KCNH8: variants seen among roughly 807,000 people sequenced by gnomAD.
The protein encoded by KCNH8 is potassium voltage-gated channel subfamily H member 8.
A neutral mutation model predicts 103.6 loss-of-function variants in KCNH8; 70 were observed. The ratio of observed to expected loss-of-function variants is 0.68; its 90% CI spans 0.56 to 0.82. KCNH8 has a LOEUF of 0.82. Ranked by LOEUF, KCNH8 falls within the 40% of genes least tolerant of loss-of-function variation. The pLI is 0.00. For synonymous variants in KCNH8, 498 were observed against 489.4 expected, an observed-to-expected ratio of 1.02 and a Z score of -0.23; for missense variants, 1,217 against 1,329.9, an observed-to-expected ratio of 0.92 and a Z score of 1.32.
At position 19,192,043 on chromosome 3, in the gene KCNH8, G is replaced by T. The variant is rs189239079; in HGVS notation, c.76+43248G>T. Among the ~76,000 whole-genome samples the T allele has an allele frequency of 2.9e-3, 437 of 151,512 alleles. 4 individuals are homozygous for T. The highest frequency in any genetic ancestry group is 9.9e-3 in the African/African-American group (411 of 41,426). On this transcript the variant is annotated intron_variant, in intron 1 of 15. Coordinates refer to ENST00000328405, the MANE Select transcript of KCNH8 (RefSeq NM_144633.3). The stretch of plus-strand genomic sequence containing the variant: ...TTGATGGTTTTCTCCACTGGTCTCA[G>T]GTTGTACAGCCTTAGTAGCTTCAGT...
intron 3 of KCNH8, among the ~76,000 whole-genome samples, chr3:19,305,199 C>A (rs1193061706): frequency 6.6e-6 from 1 of 152,076 alleles, no homozygotes; most frequent in African/African-American, 2.4e-5. Context: ...AGAGCAATGT[C>A]TTAAAAATTC....
intron 5 of KCNH8, among the ~76,000 whole-genome samples, chr3:19,381,927 C>A (rs2066293861): frequency 6.6e-6 from 1 of 151,974 alleles, no homozygotes; most frequent in African/African-American, 2.4e-5. Flanking sequence ...CAATGAGAAC[C>A]AGGACAGTGG....
chr3:19,446,602 T>G (rs1356124022), intron 8 of KCNH8, among the ~76,000 whole-genome samples: 1 of 151,496 alleles, frequency 6.6e-6, no homozygotes, highest in Admixed American at 6.6e-5. Flanking sequence ...AATGAGGAGG[T>G]GGGAAAGAGA....
chr3:19,468,871 T>C (rs1279314315), intron 11 of KCNH8, among the ~76,000 whole-genome samples: 3 of 152,250 alleles, frequency 2.0e-5, no homozygotes, highest in Admixed American at 6.5e-5. Context: ...CAAACATCTC[T>C]TGATGCCTAT....
At chr3:19,358,176 CCT>C (rs2065904154) in intron 5 of KCNH8, among the ~76,000 whole-genome samples, 1 of 40,234 alleles carries the variant, frequency 2.5e-5, no homozygotes, top group Non-Finnish European at 4.4e-5. Flanking sequence ...TCCTTTTCTT[CCT>C]TCCTTCCTTC....
At chr3:19,325,221 A>T (rs2065405403) in intron 3 of KCNH8, among the ~76,000 whole-genome samples, 1 of 152,214 alleles carries the variant, frequency 6.6e-6, no homozygotes, top group Non-Finnish European at 1.5e-5. Flanking sequence ...AAAGACTTAA[A>T]TGTAAAACTC....
chr3:19,422,433 G>A (rs988503340), intron 7 of KCNH8, among the ~76,000 whole-genome samples: 2 of 152,078 alleles, frequency 1.3e-5, no homozygotes, highest in Non-Finnish European at 2.9e-5. Context: ...AATACACCAG[G>A]CACTGTGCCA....
intron 15 of KCNH8, among the ~76,000 whole-genome samples, chr3:19,531,228 A>G (rs1000415393): frequency 2.0e-5 from 3 of 152,182 alleles, no homozygotes; most frequent in Non-Finnish European, 4.4e-5. Context: ...CTCTTTAACC[A>G]TCTCATTTAG....
chr3:19,257,349 A>G (rs1270496886), intron 2 of KCNH8, among the ~76,000 whole-genome samples: 1 of 152,070 alleles, frequency 6.6e-6, no homozygotes, highest in Non-Finnish European at 1.5e-5. Flanking sequence ...CTTCAGAGCT[A>G]TAAAACCACA....
At chr3:19,438,812 A>T (rs1259027939) in intron 8 of KCNH8, among the ~76,000 whole-genome samples, 1 of 152,124 alleles carries the variant, frequency 6.6e-6, no homozygotes, top group East Asian at 1.9e-4. Context: ...TCTGGTCCAC[A>T]TTGTGGCCTT....
chr3:19,196,102 C>A (rs2063599208), intron 1 of KCNH8, among the ~76,000 whole-genome samples: 1 of 151,946 alleles, frequency 6.6e-6, no homozygotes, highest in African/African-American at 2.4e-5. Flanking sequence ...CCAAGTCTGG[C>A]TTATTGGGCC....
At chr3:19,290,698 C>G (rs760030708) in intron 3 of KCNH8, among the ~76,000 whole-genome samples, 3 of 152,154 alleles carry the variant, frequency 2.0e-5, no homozygotes, top group Non-Finnish European at 4.4e-5. Context: ...GGATATTGGT[C>G]TAAAATTCTC....
intron 15 of KCNH8, among the ~76,000 whole-genome samples, chr3:19,522,611 C>T (rs748460857): frequency 7.2e-5 from 11 of 151,752 alleles, no homozygotes; most frequent in Non-Finnish European, 1.6e-4. Flanking sequence ...GAATAATCTA[C>T]CAAACATCTG....
chr3:19,445,855 T>G (rs1488876354), intron 8 of KCNH8, among the ~76,000 whole-genome samples: 1 of 151,986 alleles, frequency 6.6e-6, no homozygotes, highest in East Asian at 1.9e-4. Context: ...TCCATAAATA[T>G]TTATGGCATA....
intron 5 of KCNH8, among the ~76,000 whole-genome samples, chr3:19,376,704 T>C (rs1040704898): frequency 2.6e-5 from 4 of 152,248 alleles, no homozygotes; most frequent in Non-Finnish European, 5.9e-5. Flanking sequence ...TCAGTAATTT[T>C]GGTGCTATTT....
intron 5 of KCNH8, among the ~76,000 whole-genome samples, chr3:19,376,227 A>G (rs1051702662): frequency 2.0e-5 from 3 of 152,248 alleles, no homozygotes; most frequent in African/African-American, 4.8e-5. Flanking sequence ...TTGATCTCAG[A>G]GTGCTGTGCT....
chr3:19,171,790 G>A (rs537468009), intron 1 of KCNH8, among the ~76,000 whole-genome samples: 16 of 152,280 alleles, frequency 1.1e-4, no homozygotes, highest in Non-Finnish European at 1.9e-4. Context: ...CTGGGTTGAC[G>A]ATATAAAGTG....
At chr3:19,266,167 C>T (rs1358573382) in intron 2 of KCNH8, among the ~76,000 whole-genome samples, 1 of 152,094 alleles carries the variant, frequency 6.6e-6, no homozygotes, top group African/African-American at 2.4e-5. Flanking sequence ...AAAAACTCTT[C>T]ACTCTGGCAT....
In KCNH8 at chr3:19,170,810, A is replaced by ATTTTTT. The variant is rs1163528137; in HGVS notation, c.76+22027_76+22032dup. 2.5e-4 allele frequency among the ~76,000 whole-genome samples: 19 copies of ATTTTTT among 75,330 alleles called. 2 individuals carry two copies. Among genetic ancestry groups the ATTTTTT allele is most frequent in the African/African-American group, 9.3e-4 (18 of 19,362 alleles). 49.4% of individuals were successfully genotyped at this position (75,330 alleles called of 152,430 possible). A position where few individuals can be genotyped will look rare whatever the true frequency, so the allele number is the denominator to read the frequency against. ...CACACATATATATATATATATATAT[A>ATTTTTT]TTTTTTTTTTTTTTTTTGAGACGAA... is the stretch of plus-strand genomic sequence containing the variant. On this transcript the variant is annotated intron_variant, in intron 1 of 15. Transcript: ENST00000328405.
Sources: allele counts gnomAD v4.1 joint callset (sites outside exome capture counted in the v4.1 genomes callset), GRCh38; gene constraint gnomAD v4.1.1; transcripts MANE v1.5; gene names NCBI Gene and HGNC (gene_info 2026-07-23, HGNC 2026-07-21).